Variants in CUX1 observed in about 807,000 individuals in gnomAD.
CUX1 encodes protein CASP.
In CUX1, 31 loss-of-function variants were observed where a neutral mutation model predicts 158.8. The observed-to-expected ratio is 0.20, with a 90% CI of 0.15 to 0.26. The LOEUF is 0.26. Among genes scored for constraint, CUX1 ranks in the 10% least tolerant of loss-of-function variants. The pLI is 1.00. For missense variants in CUX1, 1,589 were observed against 2,014.6 expected, an observed-to-expected ratio of 0.79 and a Z score of 4.04; for synonymous variants, 879 against 862.1, an observed-to-expected ratio of 1.02 and a Z score of -0.34.
chr7:102,077,971 A>C (rs1272717164), intron 4 of CUX1, among the ~76,000 whole-genome samples: 4 of 152,210 alleles, frequency 2.6e-5, no homozygotes, highest in Non-Finnish European at 5.9e-5. Flanking sequence ...TAGTTTCTGA[A>C]TAGGCCTTAT....
intron 14 of CUX1, among the ~76,000 whole-genome samples, chr7:102,270,328 CCT>C (rs1377614259): frequency 1.3e-5 from 2 of 152,226 alleles, no homozygotes; most frequent in African/African-American, 4.8e-5. Flanking sequence ...AACTGAGGCC[CCT>C]CTCTGGTGGA....
chr7:102,276,912 C>T (rs1462302896), intron 17 of CUX1, among the ~76,000 whole-genome samples: 1 of 151,976 alleles, frequency 6.6e-6, no homozygotes, highest in African/African-American at 2.4e-5. Context: ...TACAAATGAC[C>T]GAACTGTACA....
At chr7:102,281,978 A>G in intron 21 of CUX1, 1 of 1,211,156 alleles carries the variant, frequency 8.3e-7, no homozygotes, top group Non-Finnish European at 1.2e-6. Context: ...CCTGACCTCC[A>G]GGGCAGCAGG....
At chr7:101,933,343 A>G (rs1451079417) in intron 2 of CUX1, among the ~76,000 whole-genome samples, 5 of 152,164 alleles carry the variant, frequency 3.3e-5, no homozygotes, top group African/African-American at 1.2e-4. Context: ...AGCCTTTGTT[A>G]GTATTTATAC....
chr7:101,943,078 C>G (rs1585048311), intron 2 of CUX1, among the ~76,000 whole-genome samples: 1 of 80,332 alleles, frequency 1.2e-5, no homozygotes, highest in South Asian at 5.0e-4. Context: ...CTGGTCAGTG[C>G]TTTTTTTTTT....
At chr7:102,281,759 G>T in intron 20 of CUX1, 3 of 923,796 alleles carry the variant, frequency 3.2e-6, no homozygotes, top group Non-Finnish European at 3.5e-6. Flanking sequence ...CCACCCTAGG[G>T]CCCTTTCTGT....
At chr7:101,924,541 A>G (rs148875392) in intron 2 of CUX1, among the ~76,000 whole-genome samples, 2 of 150,934 alleles carry the variant, frequency 1.3e-5, no homozygotes, top group African/African-American at 2.4e-5. Flanking sequence ...AAAGTCACAT[A>G]TCATCCCAAT....
At chr7:101,986,133 C>T (rs944967491) in intron 2 of CUX1, among the ~76,000 whole-genome samples, 12 of 152,198 alleles carry the variant, frequency 7.9e-5, no homozygotes, top group Non-Finnish European at 1.6e-4. Context: ...AATTCAGGAA[C>T]GCTTACAGAT....
intron 2 of CUX1, among the ~76,000 whole-genome samples, chr7:101,977,371 T>C (rs1413820532): frequency 2.0e-5 from 3 of 152,146 alleles, no homozygotes; most frequent in African/African-American, 7.2e-5. Flanking sequence ...TGTTCAGTCT[T>C]GGAAAATTGG....
chr7:101,828,361 T>C (rs1000268460), intron 1 of CUX1, among the ~76,000 whole-genome samples: 6 of 152,170 alleles, frequency 3.9e-5, no homozygotes, highest in Admixed American at 6.5e-5. Flanking sequence ...GAGTCAGCTA[T>C]ATGTATAATT....
chr7:102,220,244 C>T (rs562513135), intron 20 of CUX1, among the ~76,000 whole-genome samples: 1 of 152,176 alleles, frequency 6.6e-6, no homozygotes, highest in Non-Finnish European at 1.5e-5. Flanking sequence ...ACCTGTAATC[C>T]CAGCTACTCA....
upstream of CUX1, among the ~76,000 whole-genome samples, chr7:101,816,385 C>T (rs1179098110): frequency 7.0e-6 from 1 of 143,104 alleles, no homozygotes; most frequent in Admixed American, 6.9e-5. Context: ...GCCCCCACCC[C>T]GGGCGCCCCC....
chr7:101,854,191 T>C (rs1481967970), intron 1 of CUX1, among the ~76,000 whole-genome samples: 8 of 152,168 alleles, frequency 5.3e-5, no homozygotes, highest in Admixed American at 5.2e-4. Context: ...AATGTGTGCA[T>C]GGGGCAAGGC....
intron 11 of CUX1, among the ~76,000 whole-genome samples, chr7:102,189,307 C>T (rs1794006228): frequency 6.7e-6 from 1 of 148,950 alleles, no homozygotes. Context: ...CTACAAAGTA[C>T]ACTTTTCCTC....
intron 2 of CUX1, among the ~76,000 whole-genome samples, chr7:101,954,052 A>T (rs1328937705): frequency 2.0e-5 from 3 of 152,180 alleles, no homozygotes; most frequent in Admixed American, 2.0e-4. Flanking sequence ...TCAGCCAGGC[A>T]TGGTGGTGCA....
intron 2 of CUX1, among the ~76,000 whole-genome samples, chr7:102,015,053 A>G (rs549393882): frequency 6.6e-6 from 1 of 152,166 alleles, no homozygotes; most frequent in African/African-American, 2.4e-5. Flanking sequence ...TGAAGCTAGT[A>G]AATATTAATA....
At chr7:102,095,567 AG>A (rs1829091405) in intron 4 of CUX1, among the ~76,000 whole-genome samples, 1 of 152,124 alleles carries the variant, frequency 6.6e-6, no homozygotes, top group Admixed American at 6.5e-5. Context: ...CATCCTAAAG[AG>A]TCCCTGGCTC....
intron 8 of CUX1, among the ~76,000 whole-genome samples, chr7:102,135,981 A>G (rs1161636876): frequency 1.4e-4 from 21 of 152,050 alleles, no homozygotes; most frequent in Non-Finnish European, 2.6e-4. Context: ...CTCAAAAAAA[A>G]AAGAAAATGG....
At chr7:102,074,612 A>C (rs1826498465) in intron 4 of CUX1, among the ~76,000 whole-genome samples, 2 of 152,130 alleles carry the variant, frequency 1.3e-5, no homozygotes, top group Admixed American at 1.3e-4. Flanking sequence ...ATGGACCCAA[A>C]TTCCCGCCAC....
Sources: gnomAD v4.1 joint callset for allele counts (sites outside exome capture counted in the v4.1 genomes callset) on GRCh38, gnomAD v4.1.1 for gene constraint, MANE v1.5 for transcripts, NCBI Gene and HGNC (gene_info 2026-07-23, HGNC 2026-07-21) for gene names.